Variants in LEMD1 observed in about 807,000 individuals in gnomAD.
The protein encoded by LEMD1 is LEM domain-containing protein 1.
Under a neutral mutation model 17.4 loss-of-function variants are expected in LEMD1, and 18 were observed. The observed-to-expected ratio is 1.04, with a 90% CI of 0.72 to 1.54. LEMD1 has a LOEUF of 1.54. Among genes scored for constraint, LEMD1 ranks in the 40% most tolerant of loss-of-function variants. The probability of loss-of-function intolerance (pLI) is 0.00; values close to 1 mark genes in which losing one functional copy is unlikely to be tolerated. For synonymous variants in LEMD1, 88 were observed against 77.8 expected, an observed-to-expected ratio of 1.13 and a Z score of -0.69; for missense variants, 195 against 210.4, an observed-to-expected ratio of 0.93 and a Z score of 0.45.
Position 205,441,915 on chromosome 1 carries a change from ATCTGTTGCAG to A in LEMD1, c.-39+7943_-39+7952del, listed in dbSNP as rs1367993675. On this transcript the variant is annotated intron_variant, in intron 1 of 3. Transcript: ENST00000367154. The surrounding 1 kb of genome is among the most constrained non-coding windows in gnomAD (Gnocchi z 4.3). ...AGCAGGAGCCAGGGGCCGCTCTGGT[ATCTGTTGCAG>A]TCTGGCTGGGGAAGAGAGGGAGCTT... Among the ~76,000 whole-genome samples the A allele has an allele frequency of 6.6e-6, 1 of 152,176 alleles. No individual in the cohort carries two copies. Among genetic ancestry groups the A allele is most frequent in the Non-Finnish European group, 1.5e-5 (1 of 68,018 alleles).
intron 1 of LEMD1, among the ~76,000 whole-genome samples, chr1:205,449,303 G>T (rs1336354936): frequency 6.6e-6 from 1 of 152,172 alleles, no homozygotes; most frequent in African/African-American, 2.4e-5. Flanking sequence ...CGGGTCAGCT[G>T]CAGGCATCAG....
chr1:205,421,566 A>G (rs1665960344), intron 1 of LEMD1, among the ~76,000 whole-genome samples: 1 of 152,220 alleles, frequency 6.6e-6, no homozygotes, highest in Non-Finnish European at 1.5e-5. Context: ...TATATATAAT[A>G]GGGTTGTTCT....
upstream of LEMD1, among the ~76,000 whole-genome samples, chr1:205,422,355 C>T (rs1004234501): frequency 1.3e-5 from 2 of 152,188 alleles, no homozygotes; most frequent in African/African-American, 4.8e-5. Context: ...ACCCAACTGT[C>T]TAGACCACCC....
In LEMD1 at chr1:205,412,330, T is replaced by TA. The variant is rs972137247; in HGVS notation, c.270+3901dup. On this transcript the variant is annotated intron_variant, in intron 4 of 5. Transcript: ENST00000367153. The stretch of plus-strand genomic sequence containing the variant: ...CTTTCTGATGGAAAAAATCCCCAAT[T>TA]AAAAAAAAAAATTTGACCTGGCTTA... Among the ~76,000 whole-genome samples the TA allele has an allele frequency of 2.9e-3, 425 of 147,742 alleles. 1 individual carries two copies. Among genetic ancestry groups the TA allele is most frequent in the African/African-American group, 8.5e-3 (341 of 40,318 alleles).
At chr1:205,418,895 A>G (rs913728) in intron 3 of LEMD1, among the ~76,000 whole-genome samples, 115,094 of 152,156 alleles carry the variant, frequency 0.76, 45,062 homozygotes, top group East Asian at 1. Flanking sequence ...GCAAAGCAGA[A>G]GTTGAGTCCT....
At chr1:205,432,288 C>A (rs917144174) in intron 1 of LEMD1, among the ~76,000 whole-genome samples, 2 of 152,170 alleles carry the variant, frequency 1.3e-5, no homozygotes, top group African/African-American at 4.8e-5. Context: ...GTTCAGAGAG[C>A]CCCCAGCCAC....
At chr1:205,407,864 C>G (rs1665193969) in intron 4 of LEMD1, among the ~76,000 whole-genome samples, 2 of 152,116 alleles carry the variant, frequency 1.3e-5, no homozygotes, top group Non-Finnish European at 2.9e-5. Flanking sequence ...TGTTGGATAC[C>G]TGGCTGGTGT....
In LEMD1 at chr1:205,419,214, C is replaced by T. The variant is rs377015830; in HGVS notation, c.205+16G>A. The T allele has an allele frequency of 6.2e-7, 1 of 1,612,038 alleles. No individual in the cohort carries two copies. The highest frequency in any genetic ancestry group is 2.2e-5 in the East Asian group (1 of 44,848). On this transcript the variant is annotated intron_variant, in intron 3 of 5. Coordinates refer to ENST00000367153, the MANE Select transcript of LEMD1 (RefSeq NM_001199050.2). ...AGTGCAAAGTTGCCATCTAGCAGTA[C>T]AGCTTATGGCGGTACCTTCGCTGTC...
At chr1:205,434,013 T>C (rs1426082279) in intron 1 of LEMD1, among the ~76,000 whole-genome samples, 1 of 152,216 alleles carries the variant, frequency 6.6e-6, no homozygotes, top group Non-Finnish European at 1.5e-5. Flanking sequence ...GACATAATAA[T>C]TCTTTTTCAA....
chr1:205,381,777 T>G lies in LEMD1; in HGVS notation c.427A>C (p.Thr143Pro), dbSNP rs1220572116. 21 of 1,614,176 alleles carry G rather than the reference T, an allele frequency of 1.3e-5. No individual in the cohort carries two copies. Among genetic ancestry groups the G allele is most frequent in the Non-Finnish European group, 1.8e-5 (21 of 1,180,014 alleles). Residue 143 changes from threonine (T) to proline (P), a missense_variant, in exon 6 of 6, where the codon ACT becomes CCT. Transcript: ENST00000367153. ...KERDYCAEDQ[T>P]IESWREEGFP... is the part of the protein sequence containing the mutation. The stretch of plus-strand genomic sequence containing the variant: ...CCTTCTTCTCTCCAGCTCTCGATAG[T>G]CTGGTCTTCCGCGCAGTAGTCTCTC...
intron 3 of LEMD1, among the ~76,000 whole-genome samples, chr1:205,418,580 A>T (rs186185116): frequency 6.6e-6 from 1 of 152,220 alleles, no homozygotes; most frequent in Non-Finnish European, 1.5e-5. Context: ...CAGTGGTGCC[A>T]TCTTGGCTCA....
chr1:205,433,036 ACTT>A (rs1460152382), intron 1 of LEMD1, among the ~76,000 whole-genome samples: 1 of 151,392 alleles, frequency 6.6e-6, no homozygotes, highest in Non-Finnish European at 1.5e-5. Flanking sequence ...TAAAAATTCC[ACTT>A]CTTATGTGAT....
chr1:205,389,585 TGGA>T (rs1388377591), intron 4 of LEMD1, among the ~76,000 whole-genome samples: 2 of 152,168 alleles, frequency 1.3e-5, no homozygotes, highest in Non-Finnish European at 2.9e-5. Context: ...CCGCTGGACT[TGGA>T]GAAGTCAGAA....
At position 205,381,833 on chromosome 1, in the gene LEMD1, G is replaced by A. The variant is rs1021202664; in HGVS notation, c.371C>T (p.Thr124Ile). The change falls in exon 6 of 6, where the codon ACC (threonine) becomes ATC (isoleucine). Residue 124 changes from threonine (T) to isoleucine (I), a missense_variant. Coordinates refer to ENST00000367153, the MANE Select transcript of LEMD1 (RefSeq NM_001199050.2). Reference protein sequence around the residue: ...GRRWAARAPSTRITYGTITKE... With the variant: ...GRRWAARAPSIRITYGTITKE... Reference sequence around the variant, plus strand: ...GGTGATAGTCCCATATGTGATTCTGGTGCTTGGTGCTCTTGCAGCCCACCT... The same window carrying A: ...GGTGATAGTCCCATATGTGATTCTGATGCTTGGTGCTCTTGCAGCCCACCT... The A allele has an allele frequency of 1.2e-6, 2 of 1,613,964 alleles. No individual in the cohort carries two copies. Among genetic ancestry groups the A allele is most frequent in the African/African-American group, 1.3e-5 (1 of 74,876 alleles).
intron 1 of LEMD1, chr1:205,435,755 G>A (rs1666194750): frequency 6.6e-6 from 1 of 152,222 alleles, no homozygotes; most frequent in Non-Finnish European, 1.5e-5. Context: ...CTCTTTTCCA[G>A]TCTCTCAGGG....
At chr1:205,384,437 C>T in intron 4 of LEMD1, 73 bp from the exon 5 acceptor site, 1 of 999,520 alleles carries the variant, frequency 1.0e-6, no homozygotes, top group Non-Finnish European at 1.4e-6. Context: ...GGTTTTTATT[C>T]TAGAAAAAGT....
intron 4 of LEMD1, among the ~76,000 whole-genome samples, chr1:205,399,179 C>T (rs1007659123): frequency 1.3e-5 from 2 of 150,588 alleles, no homozygotes; most frequent in African/African-American, 4.9e-5. Context: ...CACACCACTG[C>T]ACTCCAGCCT....
chr1:205,440,830 TAC>T (rs1666281226), intron 1 of LEMD1: 2 of 152,258 alleles, frequency 1.3e-5, no homozygotes, highest in Admixed American at 1.3e-4. Context: ...AGACTTAAGA[TAC>T]ACACACGGCT....
intron 4 of LEMD1, among the ~76,000 whole-genome samples, chr1:205,411,114 A>G (rs1177287882): frequency 1.3e-5 from 2 of 148,306 alleles, no homozygotes; most frequent in South Asian, 2.2e-4. Context: ...AAAGAAAGGA[A>G]GGAGGGAGGG....
Sources: allele counts gnomAD v4.1 joint callset (sites outside exome capture counted in the v4.1 genomes callset), GRCh38; gene constraint gnomAD v4.1.1; non-coding constraint Gnocchi (gnomAD v3.1); transcripts MANE v1.5; gene names NCBI Gene and HGNC (gene_info 2026-07-23, HGNC 2026-07-21).